STEAP4: variants seen among roughly 807,000 people sequenced by gnomAD.
STEAP4 encodes metalloreductase STEAP4.
In STEAP4, 36 loss-of-function variants were observed where a neutral mutation model predicts 43.6. That is an observed-to-expected ratio of 0.83 (90% confidence interval 0.63 to 1.09). The LOEUF is 1.09. Ranked by LOEUF, STEAP4 falls within the 50% of genes least tolerant of loss-of-function variation. The pLI is 0.00. For missense variants in STEAP4, 495 were observed against 546.5 expected (o/e 0.91, Z 0.94); for synonymous variants, 191 against 196.7 (o/e 0.97, Z 0.24).
rs1200185304 is a variant in STEAP4, at chr7:88,280,967, G to T, written c.1097C>A (p.Ser366Tyr). The change falls in exon 4 of 5, where the codon TCT (serine) becomes TAT (tyrosine). Residue 366 changes from serine to tyrosine, a missense_variant. Physicochemically the swap from Ser to Tyr is moderately radical, Grantham distance 144. Transcript: ENST00000380079. Reference sequence around the variant, plus strand: ...GACTGCATTGCTAACAGATGGCAAAGAAGTGATTCCCAAGAGTACAAACAG... The same window carrying T: ...GACTGCATTGCTAACAGATGGCAAATAAGTGATTCCCAAGAGTACAAACAG... ...FFLFVLLGIT[S>Y]LPSVSNAVNW... The T allele has an allele frequency of 1.2e-6, 2 of 1,612,770 alleles. No homozygotes were observed. The highest frequency in any genetic ancestry group is 3.3e-5 in the Admixed American group (2 of 59,724).
At chr7:88,301,557 G>A (rs750222003) in intron 1 of STEAP4, among the ~76,000 whole-genome samples, 9 of 151,990 alleles carry the variant, frequency 5.9e-5, no homozygotes, top group Admixed American at 3.9e-4. Flanking sequence ...GATTATAGGT[G>A]TGAACCACTG....
At chr7:88,303,290 G>T (rs1445199470) in intron 1 of STEAP4, among the ~76,000 whole-genome samples, 1 of 151,192 alleles carries the variant, frequency 6.6e-6, no homozygotes, top group Non-Finnish European at 1.5e-5. Context: ...GAGGACCGGA[G>T]TTCCAGACAA....
intron 1 of STEAP4, among the ~76,000 whole-genome samples, chr7:88,295,233 G>A (rs1161420352): frequency 6.6e-6 from 1 of 152,114 alleles, no homozygotes; most frequent in Non-Finnish European, 1.5e-5. Flanking sequence ...ACATGGTGGT[G>A]GTACAGACAG....
intron 1 of STEAP4, among the ~76,000 whole-genome samples, chr7:88,284,884 A>C (rs1471639609): frequency 6.6e-6 from 1 of 152,188 alleles, no homozygotes; most frequent in South Asian, 2.1e-4. Context: ...TATTTCCTTA[A>C]CATATAAAAA....
intron 3 of STEAP4, chr7:88,282,437 G>A (rs371544961): frequency 5.5e-4 from 329 of 593,422 alleles, no homozygotes; most frequent in African/African-American, 5.3e-3. Context: ...GTGAGCCACC[G>A]CCCCCGGCAA....
intron 1 of STEAP4, among the ~76,000 whole-genome samples, chr7:88,303,525 T>C (rs1220133378): frequency 6.8e-6 from 1 of 146,168 alleles, no homozygotes; most frequent in Non-Finnish European, 1.5e-5. Flanking sequence ...CCTCCCAAAA[T>C]AGCTTTTCAG....
intron 1 of STEAP4, among the ~76,000 whole-genome samples, chr7:88,304,874 A>G (rs1249460572): frequency 6.6e-6 from 1 of 152,094 alleles, no homozygotes; most frequent in African/African-American, 2.4e-5. Context: ...CAGTATTAAT[A>G]ATAGTAGGGT....
chr7:88,280,777 A>C lies in STEAP4; in HGVS notation c.1149+138T>G. The C allele has an allele frequency of 8.4e-6, 7 of 838,114 alleles. No individual in the cohort carries two copies. In the South Asian group the frequency reaches 8.4e-5, roughly 10 times the overall value. 51.9% of individuals were successfully genotyped at this position (838,114 alleles called of 1,614,324 possible). A position where few individuals can be genotyped will look rare whatever the true frequency, so the allele number is the denominator to read the frequency against. ...ATGGAGGCAGTCAGGAATCTTGGCG[A>C]GTATTAAGAAATCAAATCATTATGG... On this transcript the variant is annotated intron_variant, in intron 4 of 4. Coordinates refer to ENST00000380079, the MANE Select transcript of STEAP4 (RefSeq NM_024636.4).
chr7:88,284,046 C>T lies in STEAP4; in HGVS notation c.224G>A (p.Gly75Asp), dbSNP rs1981529. 0.76 allele frequency: 1,225,836 copies of T among 1,614,030 alleles called. 468,113 individuals carry two copies. The highest frequency in any genetic ancestry group is 0.96 in the African/African-American group (71,655 of 75,028). ...LSYSEAAKKS[G>D]IIIIAIHREH... ...TCTGTGGATTGCTATGATTATGATGCCAGACTTCTTGGCTGCTTCTGAATA... is the reference window on the plus strand; with the variant it reads ...TCTGTGGATTGCTATGATTATGATGTCAGACTTCTTGGCTGCTTCTGAATA... Residue 75 changes from glycine to aspartate, a missense_variant, in exon 2 of 5, where the codon GGC becomes GAC. Physicochemically the swap from Gly to Asp is moderately conservative, Grantham distance 94 (BLOSUM62 -1). Coordinates refer to ENST00000380079, the MANE Select transcript of STEAP4 (RefSeq NM_024636.4).
chr7:88,295,131 G>A (rs1451426357), intron 1 of STEAP4, among the ~76,000 whole-genome samples: 1 of 152,134 alleles, frequency 6.6e-6, no homozygotes, highest in Non-Finnish European at 1.5e-5. Flanking sequence ...TTTAGTAACA[G>A]AGAATAGTAT....
rs1480674599 is a variant in STEAP4, at chr7:88,275,296, T to A, written c.*4102A>T. ...TAGTAGAGATGGGGTTTCACCATGT[T>A]GGCCAGGCTGGTCTCAAACTCCTGA... is the stretch of plus-strand genomic sequence containing the variant. On this transcript the variant is annotated 3_prime_UTR_variant, in exon 5 of 5. Transcript: ENST00000380079. 1 of 152,180 alleles carries A rather than the reference T, an allele frequency of 6.6e-6. No individual in the cohort carries two copies. Among genetic ancestry groups the A allele is most frequent in the Non-Finnish European group, 1.5e-5 (1 of 68,096 alleles). The allele number at this position is 152,180 out of a possible 1,614,324, so 9.4% of individuals were successfully genotyped here. A position where few individuals can be genotyped will look rare whatever the true frequency, so the allele number is the denominator to read the frequency against.
chr7:88,284,783 GA>G (rs1208089631), intron 1 of STEAP4, among the ~76,000 whole-genome samples: 4 of 151,956 alleles, frequency 2.6e-5, no homozygotes, highest in Non-Finnish European at 4.4e-5. Flanking sequence ...AAGATTTAAG[GA>G]AAAAGTCTGT....
chr7:88,300,327 G>C (rs996592671), intron 1 of STEAP4, among the ~76,000 whole-genome samples: 7 of 152,128 alleles, frequency 4.6e-5, no homozygotes, highest in Admixed American at 6.5e-5. Flanking sequence ...TCATGCCTCA[G>C]CTTCCTGAGT....
chr7:88,281,873 C>T (rs1852626107), intron 3 of STEAP4: 1 of 152,164 alleles, frequency 6.6e-6, no homozygotes, highest in South Asian at 2.1e-4. Flanking sequence ...TATAAGCGCT[C>T]TTTTGTGAAT....
At chr7:88,296,780 G>A (rs186385390) in intron 1 of STEAP4, among the ~76,000 whole-genome samples, 216 of 152,194 alleles carry the variant, frequency 1.4e-3, no homozygotes, top group African/African-American at 5.0e-3. Context: ...TATTTAGTGA[G>A]ATCAAGGCTC....
chr7:88,292,965 A>C (rs1233502275), intron 1 of STEAP4: 1 of 152,188 alleles, frequency 6.6e-6, no homozygotes, highest in East Asian at 1.9e-4. Context: ...TTACAAATAA[A>C]GCTTCTATGA....
intron 1 of STEAP4, among the ~76,000 whole-genome samples, chr7:88,302,716 G>T (rs4492303): frequency 0.14 from 21,596 of 151,848 alleles, 1,829 homozygotes; most frequent in Non-Finnish European, 0.2. Context: ...CACTTCGGGA[G>T]GCCAAGACAG....
chr7:88,284,720 T>G (rs1234851474), intron 1 of STEAP4, among the ~76,000 whole-genome samples: 1 of 152,148 alleles, frequency 6.6e-6, no homozygotes, highest in Non-Finnish European at 1.5e-5. Flanking sequence ...TAAATTCAAT[T>G]TTTGAAACTT....
chr7:88,293,885 G>GT lies in STEAP4; in HGVS notation c.-2-9615dup, dbSNP rs529298346. 3.1e-3 allele frequency among the ~76,000 whole-genome samples: 471 copies of GT among 149,962 alleles called. 1 individual carries two copies. Among genetic ancestry groups the GT allele is most frequent in the African/African-American group, 6.1e-3 (249 of 40,882 alleles). On this transcript the variant is annotated intron_variant, in intron 1 of 4. Coordinates refer to ENST00000380079, the MANE Select transcript of STEAP4 (RefSeq NM_024636.4). ...TGGGTACAGTGATTCTTCCCACTAT[G>GT]TTTTTTTTTGAAAACTATTATAGCT...
Sources: allele counts gnomAD v4.1 joint callset (sites outside exome capture counted in the v4.1 genomes callset), GRCh38; gene constraint gnomAD v4.1.1; transcripts MANE v1.5; gene names NCBI Gene and HGNC (gene_info 2026-07-23, HGNC 2026-07-21).